The following BLVRA variants were observed in gnomAD, a reference collection of about 807,000 sequenced individuals.
BLVRA encodes biliverdin reductase A, also known as BVR A.
A neutral mutation model predicts 32.8 loss-of-function variants in BLVRA; 22 were observed. The observed-to-expected ratio is 0.67, with a 90% confidence interval of 0.48 to 0.96. The LOEUF is 0.96. BLVRA is among the 40% of genes least tolerant of loss of function. The probability of loss-of-function intolerance (pLI) is 0.00; values close to 1 mark genes in which losing one functional copy is unlikely to be tolerated. For missense variants in BLVRA, 323 were observed against 358.1 expected, an observed-to-expected ratio of 0.90 and a Z score of 0.79; for synonymous variants, 119 against 141.3, an observed-to-expected ratio of 0.84 and a Z score of 1.12.
chr7:43,791,467 C>T (rs566347147), intron 4 of BLVRA, 99 bp downstream of exon 4: 2 of 1,363,574 alleles, frequency 1.5e-6, no homozygotes, highest in South Asian at 2.4e-5. Flanking sequence ...GTCAGAAGAG[C>T]CAGTGAGAAA....
chr7:43,799,698 T>C (rs2095796587), intron 5 of BLVRA, among the ~76,000 whole-genome samples: 1 of 151,918 alleles, frequency 6.6e-6, no homozygotes. Flanking sequence ...GGTCTCAAAC[T>C]CCTGAGCTTA....
chr7:43,805,253 T>C (rs1044221678), intron 7 of BLVRA, among the ~76,000 whole-genome samples: 1 of 150,118 alleles, frequency 6.7e-6, no homozygotes. Context: ...AAGCAAGATG[T>C]TGGGGAGGCA....
chr7:43,779,135 G>A (rs1167090571), intron 2 of BLVRA, among the ~76,000 whole-genome samples: 2 of 152,174 alleles, frequency 1.3e-5, no homozygotes, highest in African/African-American at 4.8e-5. Flanking sequence ...GCCCTGCTTC[G>A]GCTTGCACAC....
At chr7:43,789,519 C>T (rs551823788) in intron 3 of BLVRA, among the ~76,000 whole-genome samples, 9 of 150,728 alleles carry the variant, frequency 6.0e-5, no homozygotes, top group Admixed American at 2.7e-4. Context: ...TAACCCCCAT[C>T]GCACCCCTAT....
intron 2 of BLVRA, among the ~76,000 whole-genome samples, chr7:43,778,671 A>G (rs2095764664): frequency 6.6e-6 from 1 of 151,938 alleles, no homozygotes; most frequent in South Asian, 2.1e-4. Flanking sequence ...GAGAACCACT[A>G]CTCTCTTCAA....
chr7:43,798,325 G>A (rs928208548), intron 5 of BLVRA, among the ~76,000 whole-genome samples: 3 of 151,358 alleles, frequency 2.0e-5, no homozygotes, highest in Non-Finnish European at 4.4e-5. Context: ...GGTGTCTGAC[G>A]GGCTTTTCCA....
chr7:43,764,568 A>C (rs1048983271), intron 1 of BLVRA, among the ~76,000 whole-genome samples: 19 of 152,126 alleles, frequency 1.2e-4, no homozygotes, highest in African/African-American at 3.9e-4. Context: ...AGGGGCTGGA[A>C]AGTGGGGTGG....
At chr7:43,793,320 T>G (rs542920273) in intron 5 of BLVRA, among the ~76,000 whole-genome samples, 1 of 152,206 alleles carries the variant, frequency 6.6e-6, no homozygotes, top group Admixed American at 6.5e-5. Flanking sequence ...GAGGTATATA[T>G]TTTCTCTAGA....
At chr7:43,800,836 C>A (rs1234433929) in intron 6 of BLVRA, among the ~76,000 whole-genome samples, 1 of 152,134 alleles carries the variant, frequency 6.6e-6, no homozygotes, top group Non-Finnish European at 1.5e-5. Flanking sequence ...CATTAAAACT[C>A]TTTTAAAAGG....
intron 1 of BLVRA, chr7:43,767,445 A>G: frequency 6.5e-7 from 1 of 1,544,390 alleles, no homozygotes; most frequent in East Asian, 2.3e-5. Flanking sequence ...ACTAAATCTT[A>G]TATATCTGGA....
chr7:43,771,374 C>A (rs1298228740), intron 2 of BLVRA, among the ~76,000 whole-genome samples: 2 of 152,180 alleles, frequency 1.3e-5, no homozygotes, highest in Non-Finnish European at 2.9e-5. Flanking sequence ...TGTCTGGCTT[C>A]ATTCGAACTT....
intron 2 of BLVRA, among the ~76,000 whole-genome samples, chr7:43,778,248 T>C (rs1383479719): frequency 1.3e-5 from 2 of 152,240 alleles, no homozygotes; most frequent in South Asian, 2.1e-4. Flanking sequence ...GTTTTTCTGC[T>C]CTGTTTTTTC....
At chr7:43,775,943 A>G (rs1051206374) in intron 2 of BLVRA, among the ~76,000 whole-genome samples, 3 of 152,176 alleles carry the variant, frequency 2.0e-5, no homozygotes, top group African/African-American at 4.8e-5. Context: ...TGTTTGTAGT[A>G]TTCTCTGATG....
At chr7:43,789,747 T>C (rs2095783136) in intron 3 of BLVRA, among the ~76,000 whole-genome samples, 1 of 152,162 alleles carries the variant, frequency 6.6e-6, no homozygotes, top group South Asian at 2.1e-4. Context: ...CTTCCCTTCC[T>C]GACCTACCTG....
chr7:43,805,283 T>TC (rs1491280440), intron 7 of BLVRA, among the ~76,000 whole-genome samples: 3 of 28,368 alleles, frequency 1.1e-4, no homozygotes, highest in African/African-American at 1.8e-4. Context: ...TCTCTCTCTC[T>TC]TTTTTTTTTT....
chr7:43,767,441 TC>T lies in BLVRA; in HGVS notation c.-21-3696del, dbSNP rs1425871292. On this transcript the variant is annotated intron_variant, in intron 1 of 7. Transcript: ENST00000265523. ...GGGTTATTTATATTTCACAACTAAA[TC>T]TTATATATCTGGAGGCGCCCTTGGG... The T allele has an allele frequency of 2.3e-5, 35 of 1,550,706 alleles. No individual in the cohort carries two copies. In the Middle Eastern group the frequency reaches 6.9e-4, roughly 30 times the overall value.
At chr7:43,768,051 A>G (rs1439753961) in intron 1 of BLVRA, among the ~76,000 whole-genome samples, 1 of 152,204 alleles carries the variant, frequency 6.6e-6, no homozygotes, top group African/African-American at 2.4e-5. Flanking sequence ...ATAATATCAG[A>G]GTGTATTCCT....
intron 1 of BLVRA, 97 bp from the exon 2 acceptor site, chr7:43,771,041 G>A (rs2095754112): frequency 2.0e-6 from 2 of 1,013,290 alleles, no homozygotes; most frequent in East Asian, 2.4e-5. Context: ...GATGGGACAG[G>A]AAGCAGTGGG....
chr7:43,796,582 A>C (rs1158956746), intron 5 of BLVRA, among the ~76,000 whole-genome samples: 1 of 152,240 alleles, frequency 6.6e-6, no homozygotes, highest in East Asian at 1.9e-4. Context: ...ACTAAATTTA[A>C]GACCTAAAAC....
Sources: gnomAD v4.1 joint callset for allele counts (sites outside exome capture counted in the v4.1 genomes callset) on GRCh38, gnomAD v4.1.1 for gene constraint, MANE v1.5 for transcripts, NCBI Gene and HGNC (gene_info 2026-07-23, HGNC 2026-07-21) for gene names.